LRP1B: variants seen among roughly 807,000 people sequenced by gnomAD.
LRP1B encodes the protein LDL receptor related protein 1B, also known as low-density lipoprotein receptor-related protein 1B.
A neutral mutation model predicts 556.6 loss-of-function variants in LRP1B; 217 were observed. That is an observed-to-expected ratio of 0.39 (90% CI 0.35 to 0.44). LRP1B has a LOEUF of 0.44. LRP1B is among the 20% of genes least tolerant of loss of function. The probability of loss-of-function intolerance (pLI) is 1.00; values close to 1 mark genes in which losing one functional copy is unlikely to be tolerated. For synonymous variants in LRP1B, 2,047 were observed against 1,865.8 expected (o/e 1.10, Z -2.50); for missense variants, 5,053 against 5,620.8 (o/e 0.90, Z 3.23).
At chr2:140,251,326 A>G (rs566815959) in intron 86 of LRP1B, among the ~76,000 whole-genome samples, 2 of 152,000 alleles carry the variant, frequency 1.3e-5, no homozygotes, top group Admixed American at 1.3e-4. Context: ...TAATTATTAC[A>G]AAGAGAATTA....
At chr2:140,507,395 G>C (rs1425272473) in intron 52 of LRP1B, among the ~76,000 whole-genome samples, 1 of 152,114 alleles carries the variant, frequency 6.6e-6, no homozygotes, top group Non-Finnish European at 1.5e-5. Context: ...AGAAGGTTTA[G>C]AATGTTATTG....
At chr2:141,818,049 T>C (rs931358539) in intron 1 of LRP1B, among the ~76,000 whole-genome samples, 2 of 152,198 alleles carry the variant, frequency 1.3e-5, no homozygotes, top group Admixed American at 1.3e-4. Context: ...TTTCAGAGTT[T>C]AGTTAACATC....
intron 82 of LRP1B, among the ~76,000 whole-genome samples, chr2:140,319,278 C>A (rs542915445): frequency 6.6e-6 from 1 of 152,208 alleles, no homozygotes; most frequent in South Asian, 2.1e-4. Flanking sequence ...ATACTTGTAA[C>A]ATCAGAGCCA....
At chr2:141,281,077 T>A (rs1480013319) in intron 3 of LRP1B, among the ~76,000 whole-genome samples, 3 of 152,024 alleles carry the variant, frequency 2.0e-5, no homozygotes, top group Admixed American at 2.0e-4. Context: ...TCCTGGTTCA[T>A]AGTCCCAATT....
intron 41 of LRP1B, among the ~76,000 whole-genome samples, chr2:140,682,697 TGC>T (rs1491279823): frequency 0.018 from 2,720 of 150,416 alleles, 42 homozygotes; most frequent in Middle Eastern, 0.027. Flanking sequence ...TGTGTGTGTG[TGC>T]GTGCACCTTG....
intron 6 of LRP1B, among the ~76,000 whole-genome samples, chr2:141,211,362 C>T (rs2105252737): frequency 6.6e-6 from 1 of 151,732 alleles, no homozygotes; most frequent in Admixed American, 6.6e-5. Flanking sequence ...TGCCTCATGC[C>T]TGTAATCCCA....
intron 3 of LRP1B, among the ~76,000 whole-genome samples, chr2:141,365,883 C>T (rs1163349791): frequency 2.0e-5 from 3 of 152,004 alleles, no homozygotes; most frequent in African/African-American, 7.3e-5. Flanking sequence ...CCGTGTTAGC[C>T]AGGATGGTCT....
chr2:141,414,379 G>GGGAC (rs1289264070), intron 3 of LRP1B, among the ~76,000 whole-genome samples: 250 of 52,066 alleles, frequency 4.8e-3, no homozygotes, highest in African/African-American at 0.011. Flanking sequence ...AAAGGAGGGA[G>GGGAC]GGAGGGAGGA....
chr2:141,799,567 T>C (rs1695934901), intron 2 of LRP1B, among the ~76,000 whole-genome samples: 1 of 152,112 alleles, frequency 6.6e-6, no homozygotes, highest in African/African-American at 2.4e-5. Flanking sequence ...TGGAGGCTGA[T>C]TCTTCCTCAC....
At chr2:140,823,007 A>G (rs1240085027) in intron 31 of LRP1B, among the ~76,000 whole-genome samples, 1 of 152,204 alleles carries the variant, frequency 6.6e-6, no homozygotes, top group East Asian at 1.9e-4. Flanking sequence ...CTTAAAAAGT[A>G]GTCACTATGA....
At position 141,259,076 on chromosome 2, in the gene LRP1B, G is replaced by A. The variant is rs185792177; in HGVS notation, c.344-4435C>T. Among the ~76,000 whole-genome samples the A allele has an allele frequency of 1.4e-3, 214 of 152,300 alleles. 1 individual carries two copies. The highest frequency in any genetic ancestry group is 4.4e-3 in the African/African-American group (183 of 41,560). Reference sequence around the variant, plus strand: ...TCAAATTCAAGGTAACAGTTTACAAGTAATGGGTAGCTTTGAGACATCAAG... The same window carrying A: ...TCAAATTCAAGGTAACAGTTTACAAATAATGGGTAGCTTTGAGACATCAAG... On this transcript the variant is annotated intron_variant, in intron 3 of 90. Transcript: ENST00000389484.
chr2:140,533,998 A>G (rs747145063), intron 47 of LRP1B, 23 bp downstream of exon 47: 4 of 1,612,316 alleles, frequency 2.5e-6, no homozygotes, highest in Admixed American at 1.7e-5. Context: ...CAATATTCTG[A>G]GATTGATGGA....
chr2:141,128,853 A>C (rs1194556430), intron 7 of LRP1B, among the ~76,000 whole-genome samples: 5 of 152,230 alleles, frequency 3.3e-5, no homozygotes, highest in Admixed American at 2.6e-4. Flanking sequence ...ATTCCTATTA[A>C]TATTAGAAAT....
intron 6 of LRP1B, among the ~76,000 whole-genome samples, chr2:141,220,783 A>C (rs1372819783): frequency 6.6e-6 from 1 of 151,920 alleles, no homozygotes; most frequent in Non-Finnish European, 1.5e-5. Context: ...AAAAAAAAAA[A>C]AAAGAATTTC....
intron 7 of LRP1B, among the ~76,000 whole-genome samples, chr2:141,109,176 C>T (rs1574081706): frequency 6.6e-6 from 1 of 152,144 alleles, no homozygotes; most frequent in East Asian, 1.9e-4. Context: ...TCTGTGACTG[C>T]ATCCCCAACA....
intron 31 of LRP1B, among the ~76,000 whole-genome samples, chr2:140,827,764 A>G (rs1456840878): frequency 6.6e-6 from 1 of 152,164 alleles, no homozygotes; most frequent in Non-Finnish European, 1.5e-5. Context: ...TTATAGGAAG[A>G]TCAGAGATCA....
intron 43 of LRP1B, among the ~76,000 whole-genome samples, chr2:140,564,407 T>C (rs746790351): frequency 2.6e-4 from 39 of 152,136 alleles, no homozygotes; most frequent in Non-Finnish European, 5.4e-4. Context: ...AAAACCACTT[T>C]AATCAAATAT....
intron 2 of LRP1B, among the ~76,000 whole-genome samples, chr2:141,792,846 T>C (rs1695663711): frequency 6.6e-6 from 1 of 151,880 alleles, no homozygotes; most frequent in East Asian, 1.9e-4. Flanking sequence ...AATAAATAGT[T>C]CAAGACAAAT....
chr2:140,697,200 T>C (rs1574252701), intron 41 of LRP1B, among the ~76,000 whole-genome samples: 1 of 152,232 alleles, frequency 6.6e-6, no homozygotes, highest in South Asian at 2.1e-4. Context: ...ATGACAGAAT[T>C]AGAGTGATTT....
Sources: allele counts gnomAD v4.1 joint callset (sites outside exome capture counted in the v4.1 genomes callset), GRCh38; gene constraint gnomAD v4.1.1; transcripts MANE v1.5; gene names NCBI Gene and HGNC (gene_info 2026-07-23, HGNC 2026-07-21).